PPFIA1: variants seen among roughly 807,000 people sequenced by gnomAD.
PPFIA1 encodes liprin-alpha-1.
PPFIA1 carries 25 observed loss-of-function variants against 149.9 expected under a neutral mutation model. The ratio of observed to expected loss-of-function variants is 0.17; its 90% CI spans 0.12 to 0.23. PPFIA1 has a LOEUF of 0.23. Ranked by LOEUF, PPFIA1 falls within the 10% of genes least tolerant of loss-of-function variation. The pLI, the probability that PPFIA1 is intolerant of heterozygous loss-of-function variation, is 1.00. For synonymous variants in PPFIA1, 549 were observed against 552.8 expected (o/e 0.99, Z 0.10); for missense variants, 1,362 against 1,506.5 (o/e 0.90, Z 1.59).
At chr11:70,308,674 G>A (rs1429917836) in intron 2 of PPFIA1, among the ~76,000 whole-genome samples, 2 of 152,126 alleles carry the variant, frequency 1.3e-5, no homozygotes, top group East Asian at 1.9e-4. Context: ...GCTCATGCCT[G>A]TAATCCCAGC....
intron 10 of PPFIA1, 45 bp from the exon 11 acceptor site, chr11:70,335,518 G>A (rs767309808): frequency 2.5e-5 from 40 of 1,601,052 alleles, no homozygotes; most frequent in South Asian, 5.5e-5. Flanking sequence ...AATAATGATC[G>A]AGGATTTACG....
chr11:70,335,479 GCTCA>G, intron 10 of PPFIA1, 80 bp from the exon 11 acceptor site: 2 of 1,515,836 alleles, frequency 1.3e-6, no homozygotes, highest in South Asian at 2.4e-5. Flanking sequence ...CACACATGGG[GCTCA>G]CCCTGTTGGT....
At chr11:70,325,238 C>G (rs2054190295) in intron 4 of PPFIA1, 2 of 429,392 alleles carry the variant, frequency 4.7e-6, no homozygotes, top group Non-Finnish European at 7.8e-6. Context: ...TAGGTTGTTG[C>G]AAAAGTAATT....
At chr11:70,279,287 C>A (rs780356615) in intron 2 of PPFIA1, 10 of 241,276 alleles carry the variant, frequency 4.1e-5, no homozygotes, top group Non-Finnish European at 7.3e-5. Context: ...CCCAGCCTTA[C>A]TGCCAGCCAT....
In PPFIA1 at chr11:70,378,035, T is replaced by C. The variant is rs749694662; in HGVS notation, c.3390T>C (p.Asp1130=). 6.3e-7 allele frequency: 1 copy of C among 1,597,982 alleles called. No homozygotes were observed. Among genetic ancestry groups the C allele is most frequent in the East Asian group, 2.2e-5 (1 of 44,594 alleles). The part of the protein sequence containing the change: ...MGTDRRFDED[D]DKSFRRAPSW... The stretch of plus-strand genomic sequence containing the variant: ...TTTGTTCCTTAATTTACCAGGATGA[T>C]GATAAAAGCTTTAGGAGAGCACCTT... The change falls in exon 26 of 28, where the codon GAT becomes GAC. Residue 1130 remains aspartate (D), a synonymous_variant. Coordinates refer to ENST00000253925, the MANE Select transcript of PPFIA1 (RefSeq NM_003626.5).
At position 70,354,447 on chromosome 11, in the gene PPFIA1, A is replaced by G. The variant is rs1321062054; in HGVS notation, c.2310A>G (p.Ile770Met). Residue 770 changes from isoleucine (I) to methionine (M), a missense_variant, in exon 17 of 28, where the codon ATA becomes ATG. Physicochemically the swap from Ile to Met is conservative, Grantham distance 10. This residue lies in a region of PPFIA1 where 733 missense variants were observed against 744.1 expected (regional missense o/e 0.99). Transcript: ENST00000253925. ...TCAGCCACGAGGACATCAGGGACAT[A>G]AGGAAGTAAGGAGCCTGCAGCAGCC... Reference protein sequence around the residue: ...HTVSHEDIRDIRNSTGSQDGP... With the variant: ...HTVSHEDIRDMRNSTGSQDGP... 8 of 1,611,958 alleles carry G rather than the reference A, an allele frequency of 5.0e-6. No individual in the cohort carries two copies. The highest frequency in any genetic ancestry group is 2.7e-5 in the African/African-American group (2 of 74,682).
intron 9 of PPFIA1, among the ~76,000 whole-genome samples, chr11:70,332,811 G>A (rs971772069): frequency 1.8e-4 from 28 of 152,200 alleles, no homozygotes; most frequent in African/African-American, 6.0e-4. Flanking sequence ...CCTGTCTGTC[G>A]TCCTGAGTCT....
At chr11:70,363,870 C>T (rs755170633) in intron 21 of PPFIA1, among the ~76,000 whole-genome samples, 8 of 151,818 alleles carry the variant, frequency 5.3e-5, no homozygotes, top group South Asian at 2.1e-4. Context: ...GTTATCCCAC[C>T]GTCAAAACTG....
At chr11:70,337,544 A>G in intron 12 of PPFIA1, 117 bp downstream of exon 12, 2 of 652,546 alleles carry the variant, frequency 3.1e-6, no homozygotes, top group Middle Eastern at 2.5e-4. Context: ...CTCATAGTCC[A>G]CTGCCATAAG....
chr11:70,295,374 CG>C (rs1214346247), intron 2 of PPFIA1, among the ~76,000 whole-genome samples: 1 of 139,606 alleles, frequency 7.2e-6, no homozygotes, highest in Non-Finnish European at 1.5e-5. Flanking sequence ...GCTGGCCGGG[CG>C]GGGGGCTGAC....
intron 2 of PPFIA1, among the ~76,000 whole-genome samples, chr11:70,295,434 C>T (rs1441327407): frequency 6.9e-6 from 1 of 145,512 alleles, no homozygotes; most frequent in Non-Finnish European, 1.5e-5. Context: ...ACAGGGGCTC[C>T]TCACTTCCCA....
intron 10 of PPFIA1, chr11:70,334,564 A>C (rs934272661): frequency 2.6e-5 from 4 of 152,220 alleles, no homozygotes; most frequent in African/African-American, 7.2e-5. Flanking sequence ...ACAAAGAAGG[A>C]TATTGTTTCT....
At chr11:70,281,575 C>T (rs1591036831) in intron 2 of PPFIA1, among the ~76,000 whole-genome samples, 1 of 152,304 alleles carries the variant, frequency 6.6e-6, no homozygotes, top group East Asian at 1.9e-4. Context: ...CCCCTTAAGT[C>T]CTGGCTGACT....
intron 11 of PPFIA1, among the ~76,000 whole-genome samples, chr11:70,336,458 C>T (rs961590804): frequency 6.6e-5 from 10 of 150,962 alleles, no homozygotes; most frequent in Non-Finnish European, 1.3e-4. Context: ...GCCAAGATTG[C>T]GCCACTGTAC....
At chr11:70,368,713 C>G (rs897791067) in intron 21 of PPFIA1, among the ~76,000 whole-genome samples, 8 of 152,216 alleles carry the variant, frequency 5.3e-5, no homozygotes, top group African/African-American at 1.9e-4. Flanking sequence ...ATTGGCCTTG[C>G]ATCCTGCAAC....
At chr11:70,284,343 G>A (rs560588672) in intron 2 of PPFIA1, among the ~76,000 whole-genome samples, 1 of 152,200 alleles carries the variant, frequency 6.6e-6, no homozygotes, top group South Asian at 2.1e-4. Flanking sequence ...AATAATATTT[G>A]GCCATTTACA....
In PPFIA1 at chr11:70,382,509, C is replaced by T. The variant is rs7943840; in HGVS notation, c.*12+351C>T. On this transcript the variant is annotated intron_variant, in intron 27 of 27. Transcript: ENST00000253925. ...GTCAGGGGAGAGTCTCTCCTCCTGA[C>T]GTCGTTATGCACATTGCTGTGATTC... Among the ~76,000 whole-genome samples the T allele has an allele frequency of 4.9e-3, 749 of 151,868 alleles. 10 individuals are homozygous for T. The highest frequency in any genetic ancestry group is 0.016 in the African/African-American group (669 of 41,368).
chr11:70,357,711 C>T (rs2056424190), intron 19 of PPFIA1, among the ~76,000 whole-genome samples: 1 of 151,914 alleles, frequency 6.6e-6, no homozygotes, highest in South Asian at 2.1e-4. Context: ...CTCAGCTTCC[C>T]GAGTAGCTGG....
chr11:70,356,402 T>C, intron 19 of PPFIA1, 148 bp downstream of exon 19: 1 of 659,496 alleles, frequency 1.5e-6, no homozygotes. Flanking sequence ...AGCCGTACTT[T>C]CTGGAAGATT....
Sources: allele counts gnomAD v4.1 joint callset (sites outside exome capture counted in the v4.1 genomes callset), GRCh38; gene constraint gnomAD v4.1.1; regional missense constraint gnomAD v4.1.1; transcripts MANE v1.5; gene names NCBI Gene and HGNC (gene_info 2026-07-23, HGNC 2026-07-21).